Variants in KIF16B observed in about 807,000 individuals in gnomAD.
KIF16B encodes the protein kinesin-like protein KIF16B.
A neutral mutation model predicts 156.3 loss-of-function variants in KIF16B; 98 were observed. The ratio of observed to expected loss-of-function variants is 0.63; its 90% CI spans 0.53 to 0.74. The LOEUF (loss-of-function observed/expected upper bound fraction) is 0.74. KIF16B is among the 30% of genes least tolerant of loss of function. The pLI, the probability that KIF16B is intolerant of heterozygous loss-of-function variation, is 0.00. For missense variants in KIF16B, 1,421 were observed against 1,606.5 expected (o/e 0.88, Z 1.97); for synonymous variants, 564 against 583.7 (o/e 0.97, Z 0.49).
chr20:16,375,934 A>G (rs566223259), intron 19 of KIF16B, among the ~76,000 whole-genome samples: 3 of 152,290 alleles, frequency 2.0e-5, no homozygotes, highest in Non-Finnish European at 4.4e-5. Context: ...GGCTAAGTGG[A>G]TCAGAGATGG....
intron 12 of KIF16B, among the ~76,000 whole-genome samples, chr20:16,466,249 C>G (rs1010814699): frequency 6.6e-6 from 1 of 152,200 alleles, no homozygotes; most frequent in African/African-American, 2.4e-5. Flanking sequence ...AGTCACCACT[C>G]CATCCTAACA....
intron 17 of KIF16B, among the ~76,000 whole-genome samples, chr20:16,401,839 G>C (rs933390419): frequency 2.0e-5 from 3 of 152,120 alleles, no homozygotes; most frequent in Admixed American, 6.5e-5. Context: ...CTTTCACTTG[G>C]ATTAAGGAAA....
rs555627228 is a variant in KIF16B at position 16,450,083 on chromosome 20, T to C, written c.1303-20101A>G. Among the ~76,000 whole-genome samples the C allele has an allele frequency of 7.9e-5, 12 of 152,310 alleles. No individual in the cohort carries two copies. In the South Asian group the frequency reaches 2.5e-3, roughly 32 times the overall value. ...TGGTACAAGAATGGCAAACATACGC[T>C]TTTCAAAAATTATAAATGTGATCCA... is the stretch of plus-strand genomic sequence containing the variant. On this transcript the variant is annotated intron_variant, in intron 12 of 25. Coordinates refer to ENST00000354981, the MANE Select transcript of KIF16B (RefSeq NM_024704.5).
chr20:16,545,186 C>T (rs1295331940), intron 1 of KIF16B, among the ~76,000 whole-genome samples: 2 of 152,084 alleles, frequency 1.3e-5, no homozygotes, highest in Admixed American at 1.3e-4. Flanking sequence ...CGTGGCCAAA[C>T]TTCTTTGATA....
intron 17 of KIF16B, among the ~76,000 whole-genome samples, chr20:16,396,365 C>T (rs879314143): frequency 5.9e-5 from 9 of 151,852 alleles, no homozygotes; most frequent in Admixed American, 1.3e-4. Flanking sequence ...CTGGGGAGCA[C>T]TGAGGTATGG....
At chr20:16,463,232 C>T (rs1034041336) in intron 12 of KIF16B, among the ~76,000 whole-genome samples, 5 of 152,162 alleles carry the variant, frequency 3.3e-5, no homozygotes, top group Admixed American at 3.3e-4. Flanking sequence ...TAACCTCACT[C>T]CTTGTGTGTC....
At chr20:16,450,356 C>T (rs1310496500) in intron 12 of KIF16B, among the ~76,000 whole-genome samples, 1 of 152,170 alleles carries the variant, frequency 6.6e-6, no homozygotes, top group Non-Finnish European at 1.5e-5. Context: ...CATCTTCACT[C>T]AGAGCTCAAA....
intron 12 of KIF16B, among the ~76,000 whole-genome samples, chr20:16,438,420 T>A (rs2066706386): frequency 6.6e-6 from 1 of 152,134 alleles, no homozygotes; most frequent in Non-Finnish European, 1.5e-5. Context: ...TTATTGTTCA[T>A]CTCTTACTGT....
Position 16,570,396 on chromosome 20 carries a change from A to G in KIF16B, c.47+2833T>C, listed in dbSNP as rs117496174. Among the ~76,000 whole-genome samples the G allele has an allele frequency of 4.8e-3, 733 of 152,316 alleles. 2 individuals are homozygous for G. The highest frequency in any genetic ancestry group is 7.3e-3 in the Non-Finnish European group (496 of 68,030). ...TTGACAGCTACTGTCAAATTTCCCA[A>G]TATGAAAGTTTCAGATGTTTTGATC... On this transcript the variant is annotated intron_variant, in intron 1 of 25. Coordinates refer to ENST00000354981, the MANE Select transcript of KIF16B (RefSeq NM_024704.5).
At chr20:16,564,518 G>T (rs1021333371) in intron 1 of KIF16B, among the ~76,000 whole-genome samples, 37 of 152,192 alleles carry the variant, frequency 2.4e-4, no homozygotes, top group African/African-American at 4.8e-4. Context: ...GTTGTGAGGT[G>T]GGGGGAGAGG....
At chr20:16,326,374 G>A (rs1257956659) in intron 24 of KIF16B, among the ~76,000 whole-genome samples, 1 of 151,586 alleles carries the variant, frequency 6.6e-6, no homozygotes, top group Non-Finnish European at 1.5e-5. Flanking sequence ...AGCCCATAGA[G>A]TGGGAGAAAA....
intron 12 of KIF16B, among the ~76,000 whole-genome samples, chr20:16,440,613 A>G (rs1235082502): frequency 6.6e-6 from 1 of 150,796 alleles, no homozygotes; most frequent in African/African-American, 2.4e-5. Flanking sequence ...AATGAGGAAG[A>G]GCCACAGGAC....
At chr20:16,523,835 G>A (rs1471441902) in intron 3 of KIF16B, among the ~76,000 whole-genome samples, 5 of 152,088 alleles carry the variant, frequency 3.3e-5, no homozygotes, top group Non-Finnish European at 1.5e-5. Flanking sequence ...TATCAAAACA[G>A]ATATATAGAC....
At chr20:16,421,204 T>C (rs1007883353) in intron 15 of KIF16B, among the ~76,000 whole-genome samples, 1 of 152,170 alleles carries the variant, frequency 6.6e-6, no homozygotes, top group Non-Finnish European at 1.5e-5. Flanking sequence ...AAAATTTACT[T>C]AAAAACTGTT....
At chr20:16,515,917 A>G (rs2147084247) in intron 3 of KIF16B, among the ~76,000 whole-genome samples, 1 of 152,384 alleles carries the variant, frequency 6.6e-6, no homozygotes, top group South Asian at 2.1e-4. Flanking sequence ...ATCATGAAGT[A>G]TAAAAATGTA....
intron 10 of KIF16B, among the ~76,000 whole-genome samples, chr20:16,500,579 G>GT (rs776998168): frequency 1.3e-5 from 2 of 152,024 alleles, no homozygotes; most frequent in Non-Finnish European, 2.9e-5. Context: ...CAGTTTTGTT[G>GT]TTTTTTTCAA....
intron 17 of KIF16B, among the ~76,000 whole-genome samples, chr20:16,398,333 G>A (rs1404753888): frequency 6.6e-6 from 1 of 152,224 alleles, no homozygotes; most frequent in East Asian, 1.9e-4. Context: ...GAGATGATCA[G>A]GTTGAGTTGA....
chr20:16,371,902 C>T (rs1370820310), intron 20 of KIF16B, 141 bp from the exon 21 acceptor site: 2 of 603,676 alleles, frequency 3.3e-6, no homozygotes, highest in Non-Finnish European at 5.9e-6. Flanking sequence ...AGAACTTCAA[C>T]ATTTTTATTT....
At chr20:16,335,618 A>G (rs2064021850) in intron 24 of KIF16B, among the ~76,000 whole-genome samples, 1 of 152,220 alleles carries the variant, frequency 6.6e-6, no homozygotes, top group African/African-American at 2.4e-5. Flanking sequence ...TAAATTGATT[A>G]AAATATGTAT....
Sources: allele counts gnomAD v4.1 joint callset (sites outside exome capture counted in the v4.1 genomes callset), GRCh38; gene constraint gnomAD v4.1.1; transcripts MANE v1.5; gene names NCBI Gene and HGNC (gene_info 2026-07-23, HGNC 2026-07-21).